SHANK2: variants seen among roughly 807,000 people sequenced by gnomAD.
SHANK2 encodes SH3 and multiple ankyrin repeat domains protein 2.
SHANK2 carries 43 observed loss-of-function variants against 133.7 expected under a neutral mutation model. The ratio of observed to expected loss-of-function variants is 0.32; its 90% CI spans 0.25 to 0.41. SHANK2 has a LOEUF of 0.41. SHANK2 is among the 10% of genes least tolerant of loss of function. SHANK2 has a pLI of 1.00. For missense variants in SHANK2, 1,994 were observed against 2,235.8 expected (o/e 0.89, Z 2.18); for synonymous variants, 1,017 against 952.8 (o/e 1.07, Z -1.24).
chr11:71,127,988 C>A (rs1952223754), intron 3 of SHANK2, among the ~76,000 whole-genome samples: 1 of 152,232 alleles, frequency 6.6e-6, no homozygotes, highest in Non-Finnish European at 1.5e-5. Context: ...GAGCCCCACT[C>A]TCCTTTCCAC....
chr11:70,619,369 C>A (rs552292057), intron 17 of SHANK2, among the ~76,000 whole-genome samples: 150 of 152,084 alleles, frequency 9.9e-4, no homozygotes, highest in Non-Finnish European at 2.0e-3. Flanking sequence ...GGACCCCTGG[C>A]GTTCCTTAGC....
At chr11:70,633,597 G>C (rs1555002980) in intron 17 of SHANK2, 1 of 152,224 alleles carries the variant, frequency 6.6e-6, no homozygotes, top group Admixed American at 6.5e-5. Context: ...AAGAATCTCA[G>C]CTCATCACTG....
In SHANK2 at chr11:70,724,227, G is replaced by A. The variant is rs567302564; in HGVS notation, c.1778-25464C>T. Among the ~76,000 whole-genome samples, 29 of 152,074 alleles carry A rather than the reference G, an allele frequency of 1.9e-4. 1 individual carries two copies. In the East Asian group the frequency reaches 5.6e-3, roughly 29 times the overall value. On this transcript the variant is annotated intron_variant, in intron 14 of 25. Coordinates refer to ENST00000601538, the MANE Select transcript of SHANK2 (RefSeq NM_012309.5). Reference sequence around the variant, plus strand: ...ATTTTTGTATTTTTAGTAGAGACAGGGTTTCACCATGTTGGCCAGGCTGGT... The same window carrying A: ...ATTTTTGTATTTTTAGTAGAGACAGAGTTTCACCATGTTGGCCAGGCTGGT...
At chr11:70,726,437 G>T (rs1188226058) in intron 14 of SHANK2, among the ~76,000 whole-genome samples, 1 of 120,794 alleles carries the variant, frequency 8.3e-6, no homozygotes, top group African/African-American at 3.1e-5. Flanking sequence ...GAGATGTGGG[G>T]TCTTTGCCCT....
chr11:70,698,788 C>T lies in SHANK2; in HGVS notation c.1778-25G>A, dbSNP rs192953165. 1.0e-4 allele frequency: 75 copies of T among 718,558 alleles called. 1 individual carries two copies. The African/African-American group carries it at 1.2e-3, about 12-fold the overall frequency. The allele number at this position is 718,558 out of a possible 1,614,324, so 44.5% of individuals were successfully genotyped here. A position where few individuals can be genotyped will look rare whatever the true frequency, so the allele number is the denominator to read the frequency against. On this transcript the variant is annotated intron_variant, in intron 14 of 25. Coordinates refer to ENST00000601538, the MANE Select transcript of SHANK2 (RefSeq NM_012309.5). The stretch of plus-strand genomic sequence containing the variant: ...TCTGTACAGAGAGGGAAGAGAAACA[C>T]CATTCAGAAAAGTCATGGTCCCCGA...
At chr11:70,484,816 C>G (rs932632694) in intron 25 of SHANK2, among the ~76,000 whole-genome samples, 5 of 152,194 alleles carry the variant, frequency 3.3e-5, no homozygotes, top group South Asian at 4.1e-4. Context: ...CTGTGCCTCC[C>G]AAGCCCGCAA....
chr11:71,192,321 C>T (rs1953810010), intron 2 of SHANK2, among the ~76,000 whole-genome samples: 1 of 152,196 alleles, frequency 6.6e-6, no homozygotes, highest in Admixed American at 6.5e-5. Context: ...CAGTGCAGCC[C>T]ATGACAACTC....
In SHANK2 at chr11:70,807,275, G is replaced by C. The variant is rs1046321337; in HGVS notation, c.1494-104C>G. ...GCCATTCAACGCATGCTGCGCCTCG[G>C]CTGGCCGCATCAGAACTCCTGATGC... is the stretch of plus-strand genomic sequence containing the variant. On this transcript the variant is annotated intron_variant, in intron 12 of 25. Transcript: ENST00000601538. The surrounding 1 kb of genome is among the most constrained non-coding windows in gnomAD (Gnocchi z 4.8). The C allele has an allele frequency of 1.5e-6, 1 of 668,234 alleles. No individual in the cohort carries two copies. Among genetic ancestry groups the C allele is most frequent in the Non-Finnish European group, 2.7e-6 (1 of 371,404 alleles). 41.4% of individuals were successfully genotyped at this position (668,234 alleles called of 1,614,324 possible). A position where few individuals can be genotyped will look rare whatever the true frequency, so the allele number is the denominator to read the frequency against.
intron 17 of SHANK2, among the ~76,000 whole-genome samples, chr11:70,643,182 G>A (rs1484762880): frequency 3.3e-5 from 5 of 152,322 alleles, no homozygotes; most frequent in African/African-American, 1.2e-4. Context: ...ACATTGGTGT[G>A]GAGCTTTCCA....
chr11:70,471,627 C>T lies in SHANK2; in HGVS notation c.*1242G>A, dbSNP rs1243227624. ...CCCTGGGTTCTGTCTATACTCCATA[C>T]CCACTGGGTCCTCAAAGAAGCTGTT... On this transcript the variant is annotated 3_prime_UTR_variant, in exon 26 of 26. Coordinates refer to ENST00000601538, the MANE Select transcript of SHANK2 (RefSeq NM_012309.5). The surrounding 1 kb of genome is among the most constrained non-coding windows in gnomAD (Gnocchi z 4.1). 5.2e-6 allele frequency: 2 copies of T among 384,602 alleles called. No homozygotes were observed. Among genetic ancestry groups the T allele is most frequent in the African/African-American group, 4.1e-5 (2 of 48,396 alleles). 23.8% of individuals were successfully genotyped at this position (384,602 alleles called of 1,614,324 possible). A position where few individuals can be genotyped will look rare whatever the true frequency, so the allele number is the denominator to read the frequency against.
chr11:70,560,646 T>G (rs1554980640), intron 17 of SHANK2, among the ~76,000 whole-genome samples: 1 of 152,044 alleles, frequency 6.6e-6, no homozygotes, highest in Non-Finnish European at 1.5e-5. Context: ...TTGTTTTTTT[T>G]TTTGAGACTG....
chr11:71,168,033 C>T (rs376454326), intron 2 of SHANK2, among the ~76,000 whole-genome samples: 4,663 of 133,676 alleles, frequency 0.035, 84 homozygotes, highest in African/African-American at 0.094. Flanking sequence ...TCAGACGGGG[C>T]GGCTGCCAGG....
At chr11:70,816,540 A>G (rs1448373751) in intron 12 of SHANK2, among the ~76,000 whole-genome samples, 1 of 152,204 alleles carries the variant, frequency 6.6e-6, no homozygotes, top group African/African-American at 2.4e-5. Flanking sequence ...CCTCCCTGAA[A>G]GTGGCCCGTT....
chr11:71,248,432 G>A (rs895577640), intron 1 of SHANK2, among the ~76,000 whole-genome samples: 2 of 152,196 alleles, frequency 1.3e-5, no homozygotes, highest in East Asian at 1.9e-4. Flanking sequence ...TTTAACCACC[G>A]GGCGGTGTGG....
intron 11 of SHANK2, among the ~76,000 whole-genome samples, chr11:70,884,783 C>T (rs1225012634): frequency 2.6e-5 from 4 of 152,174 alleles, no homozygotes; most frequent in African/African-American, 7.2e-5. Flanking sequence ...TGCAATGGCG[C>T]GATTTCGGCT....
rs546144993 is a variant in SHANK2 at position 71,109,323 on chromosome 11, G to A, written c.592+618C>T. Among the ~76,000 whole-genome samples the A allele has an allele frequency of 2.0e-5, 3 of 152,312 alleles. No individual in the cohort carries two copies. In the South Asian group the frequency reaches 6.2e-4, roughly 32 times the overall value. ...CACCCAGGGACAGTGGGTGATGTCT[G>A]GAGACACTGTTGGTTGTCACAACTA... is the stretch of plus-strand genomic sequence containing the variant. On this transcript the variant is annotated intron_variant, in intron 6 of 25. Transcript: ENST00000601538.
At chr11:70,745,769 C>G (rs919111466) in intron 14 of SHANK2, among the ~76,000 whole-genome samples, 1 of 152,200 alleles carries the variant, frequency 6.6e-6, no homozygotes, top group African/African-American at 2.4e-5. Flanking sequence ...CTAGGTCACC[C>G]GCCGCCTTGG....
At chr11:70,684,383 C>T (rs1178411371) in intron 15 of SHANK2, among the ~76,000 whole-genome samples, 1 of 152,000 alleles carries the variant, frequency 6.6e-6, no homozygotes, top group Non-Finnish European at 1.5e-5. Context: ...CTAGAGAGAC[C>T]ACATCTCTAC....
At chr11:70,555,069 T>C (rs1554979186) in intron 17 of SHANK2, among the ~76,000 whole-genome samples, 1 of 152,120 alleles carries the variant, frequency 6.6e-6, no homozygotes, top group Non-Finnish European at 1.5e-5. Flanking sequence ...CTGTGATCTA[T>C]ACTTTTTGAT....
Sources: gnomAD v4.1 joint callset for allele counts (sites outside exome capture counted in the v4.1 genomes callset) on GRCh38, gnomAD v4.1.1 for gene constraint, Gnocchi (gnomAD v3.1) non-coding constraint, MANE v1.5 for transcripts, NCBI Gene and HGNC (gene_info 2026-07-23, HGNC 2026-07-21) for gene names.